MAGI2: variants seen among roughly 807,000 people sequenced by gnomAD.
The protein encoded by MAGI2 is membrane-associated guanylate kinase, WW and PDZ domain-containing protein 2.
Under a neutral mutation model 133.3 loss-of-function variants are expected in MAGI2, and 35 were observed. That is an observed-to-expected ratio of 0.26 (90% CI 0.20 to 0.35). The LOEUF is 0.35. Ranked by LOEUF, MAGI2 falls within the 10% of genes least tolerant of loss-of-function variation. MAGI2 has a pLI of 1.00. For missense variants in MAGI2, 1,636 were observed against 1,863.4 expected (o/e 0.88, Z 2.25); for synonymous variants, 729 against 710.6 (o/e 1.03, Z -0.41).
At chr7:79,209,569 TTTTAAG>T (rs1461153094) in intron 1 of MAGI2, among the ~76,000 whole-genome samples, 1 of 152,038 alleles carries the variant, frequency 6.6e-6, no homozygotes, top group Non-Finnish European at 1.5e-5. Flanking sequence ...AGAGTTCTAC[TTTTAAG>T]TTTGTTACTT....
chr7:79,055,590 T>C (rs1340803925), intron 1 of MAGI2, among the ~76,000 whole-genome samples: 1 of 152,146 alleles, frequency 6.6e-6, no homozygotes, highest in Non-Finnish European at 1.5e-5. Flanking sequence ...AGAGCACTTA[T>C]TTATTTATTG....
intron 2 of MAGI2, among the ~76,000 whole-genome samples, chr7:78,815,192 G>T (rs1418464189): frequency 6.6e-6 from 1 of 152,124 alleles, no homozygotes; most frequent in African/African-American, 2.4e-5. Flanking sequence ...GCACTTCAAG[G>T]AGCTGCTCAT....
rs369011592 is a variant in MAGI2 at position 78,903,360 on chromosome 7, A to AT, written c.418+103729dup. Among the ~76,000 whole-genome samples the AT allele has an allele frequency of 1.3e-3, 203 of 150,904 alleles. 1 individual carries two copies. Among genetic ancestry groups the AT allele is most frequent in the African/African-American group, 4.6e-3 (190 of 41,148 alleles). On this transcript the variant is annotated intron_variant, in intron 2 of 21. Coordinates refer to ENST00000354212, the MANE Select transcript of MAGI2 (RefSeq NM_012301.4). ...AGGCGCCCGCTACCACGCCCGGCTAATTTTTTTTGTATTTTTAGTAGAGAC... is the reference window on the plus strand; with the variant it reads ...AGGCGCCCGCTACCACGCCCGGCTAATTTTTTTTTGTATTTTTAGTAGAGAC...
rs79962545 is a variant in MAGI2, at chr7:79,314,502, C to T, written c.301+138518G>A. Among the ~76,000 whole-genome samples the T allele has an allele frequency of 6.8e-3, 1,042 of 152,298 alleles. 28 individuals carry two copies. Among genetic ancestry groups the T allele is most frequent in the East Asian group, 0.052 (270 of 5,180 alleles). ...TTATCAGAAGTCTATATATGTCACACGCATTAAGCCCTGTAGAGTCATGGA... is the reference window on the plus strand; with the variant it reads ...TTATCAGAAGTCTATATATGTCACATGCATTAAGCCCTGTAGAGTCATGGA... On this transcript the variant is annotated intron_variant, in intron 1 of 21. Transcript: ENST00000354212.
At chr7:78,975,617 T>C (rs1804176832) in intron 2 of MAGI2, among the ~76,000 whole-genome samples, 3 of 151,512 alleles carry the variant, frequency 2.0e-5, no homozygotes, top group African/African-American at 7.3e-5. Flanking sequence ...TCCTTAGGAA[T>C]AGAGAAAAAT....
At chr7:78,047,321 G>T (rs1380077170) in intron 21 of MAGI2, among the ~76,000 whole-genome samples, 1 of 152,198 alleles carries the variant, frequency 6.6e-6, no homozygotes. Flanking sequence ...GCATGGAACT[G>T]CCTGGGGAGG....
intron 14 of MAGI2, among the ~76,000 whole-genome samples, chr7:78,175,787 C>A (rs1003943882): frequency 2.0e-5 from 3 of 151,914 alleles, no homozygotes; most frequent in African/African-American, 7.3e-5. Flanking sequence ...GATAATGACA[C>A]GTTTTTCAAT....
chr7:78,412,955 T>C (rs561549828), intron 6 of MAGI2, among the ~76,000 whole-genome samples: 3 of 152,202 alleles, frequency 2.0e-5, no homozygotes, highest in African/African-American at 7.2e-5. Flanking sequence ...CTACTCTCTG[T>C]CTTCCTTCAG....
Position 78,093,185 on chromosome 7 carries a change from T to C in MAGI2, c.3568-14100A>G, listed in dbSNP as rs552850733. 1.3e-3 allele frequency among the ~76,000 whole-genome samples: 165 copies of C among 126,382 alleles called. 1 individual carries two copies. Among genetic ancestry groups the C allele is most frequent in the Admixed American group, 0.012 (143 of 11,722 alleles). The allele number at this position is 126,382 out of a possible 152,430, so 82.9% of individuals were successfully genotyped here. A position where few individuals can be genotyped will look rare whatever the true frequency, so the allele number is the denominator to read the frequency against. On this transcript the variant is annotated intron_variant, in intron 20 of 21. Transcript: ENST00000354212. Reference sequence around the variant, plus strand: ...AAAGAAAGTAATGGCAGGTGGGGCGTGGTGGCTCACATCCATAATCCCAAC... The same window carrying C: ...AAAGAAAGTAATGGCAGGTGGGGCGCGGTGGCTCACATCCATAATCCCAAC...
At chr7:78,382,332 T>C (rs1794999930) in intron 6 of MAGI2, among the ~76,000 whole-genome samples, 2 of 146,202 alleles carry the variant, frequency 1.4e-5, no homozygotes, top group African/African-American at 5.0e-5. Context: ...TATACATTAA[T>C]ACTCATGCTC....
chr7:79,167,094 T>A (rs1050295561), intron 1 of MAGI2, among the ~76,000 whole-genome samples: 1 of 152,092 alleles, frequency 6.6e-6, no homozygotes, highest in Non-Finnish European at 1.5e-5. Context: ...GGTTTGCACA[T>A]TTTTGTTCCA....
chr7:79,025,041 G>T (rs1809736338), intron 1 of MAGI2, among the ~76,000 whole-genome samples: 1 of 152,066 alleles, frequency 6.6e-6, no homozygotes, highest in Non-Finnish European at 1.5e-5. Context: ...CTACCATAAA[G>T]AGACACATAT....
At chr7:79,237,606 T>A (rs1832040496) in intron 1 of MAGI2, among the ~76,000 whole-genome samples, 2 of 152,160 alleles carry the variant, frequency 1.3e-5, no homozygotes, top group African/African-American at 4.8e-5. Flanking sequence ...TATCTCCCTG[T>A]CTCCCGGTCT....
chr7:78,660,016 G>T (rs191647375), intron 2 of MAGI2, among the ~76,000 whole-genome samples: 1 of 151,500 alleles, frequency 6.6e-6, no homozygotes, highest in Non-Finnish European at 1.5e-5. Flanking sequence ...GCAAACTATT[G>T]CAAGGACAAA....
At chr7:78,777,890 A>T (rs1031837009) in intron 2 of MAGI2, among the ~76,000 whole-genome samples, 1 of 152,128 alleles carries the variant, frequency 6.6e-6, no homozygotes, top group African/African-American at 2.4e-5. Flanking sequence ...GGACCGCTCT[A>T]GATGATTTCT....
chr7:79,070,533 C>A (rs897622257), intron 1 of MAGI2, among the ~76,000 whole-genome samples: 7 of 151,054 alleles, frequency 4.6e-5, no homozygotes, highest in Non-Finnish European at 8.8e-5. Flanking sequence ...GCTCTGTCAC[C>A]CAGGCTGGAG....
intron 1 of MAGI2, among the ~76,000 whole-genome samples, chr7:79,308,875 A>G (rs1252239122): frequency 6.6e-6 from 1 of 152,178 alleles, no homozygotes; most frequent in African/African-American, 2.4e-5. Flanking sequence ...AATGAGAATA[A>G]AATGCTTTAG....
At chr7:78,848,336 C>T (rs62467665) in intron 2 of MAGI2, among the ~76,000 whole-genome samples, 4,280 of 151,996 alleles carry the variant, frequency 0.028, 100 homozygotes, top group Non-Finnish European at 0.044. Flanking sequence ...ATCATCTGCC[C>T]AGGGACATCA....
chr7:79,139,606 A>AC (rs1460678176), intron 1 of MAGI2, among the ~76,000 whole-genome samples: 6 of 152,144 alleles, frequency 3.9e-5, no homozygotes, highest in Non-Finnish European at 7.3e-5. Context: ...CAGGAGTATT[A>AC]CCCGTAGCTA....
Sources: gnomAD v4.1 joint callset for allele counts (sites outside exome capture counted in the v4.1 genomes callset) on GRCh38, gnomAD v4.1.1 for gene constraint, MANE v1.5 for transcripts, NCBI Gene and HGNC (gene_info 2026-07-23, HGNC 2026-07-21) for gene names.